ANKRD26: variants seen among roughly 807,000 people sequenced by gnomAD.
ANKRD26 encodes ankyrin repeat domain-containing protein 26.
ANKRD26 carries 141 observed loss-of-function variants against 208.7 expected under a neutral mutation model. The observed-to-expected ratio is 0.68, with a 90% confidence interval of 0.59 to 0.78. The LOEUF is 0.78. Among genes scored for constraint, ANKRD26 ranks in the 30% least tolerant of loss-of-function variants. ANKRD26 has a pLI of 0.00. For synonymous variants in ANKRD26, 636 were observed against 660.4 expected (o/e 0.96, Z 0.57); for missense variants, 1,889 against 1,938.7 (o/e 0.97, Z 0.48).
At chr10:26,981,966 G>A (rs2052315756) in intron 4 of ANKRD26, among the ~76,000 whole-genome samples, 1 of 152,150 alleles carries the variant, frequency 6.6e-6, no homozygotes, top group Non-Finnish European at 1.5e-5. Flanking sequence ...CAGAGCCACT[G>A]GATCTCTTAG....
intron 16 of ANKRD26, among the ~76,000 whole-genome samples, chr10:27,052,643 A>T (rs2054701781): frequency 6.6e-6 from 1 of 152,136 alleles, no homozygotes; most frequent in Non-Finnish European, 1.5e-5. Flanking sequence ...ATTCTTAAAT[A>T]TCCTAAGGTT....
At chr10:27,090,418 TAA>T (rs201251204) in intron 4 of ANKRD26, among the ~76,000 whole-genome samples, 1,856 of 152,054 alleles carry the variant, frequency 0.012, 22 homozygotes, top group South Asian at 0.035. Flanking sequence ...AAAAATAAAA[TAA>T]GAGGTAATTT....
the ANKRD26 span, among the ~76,000 whole-genome samples, chr10:26,948,464 A>C: frequency 3.3e-5 from 5 of 152,210 alleles, no homozygotes; most frequent in Non-Finnish European, 5.9e-5. Flanking sequence ...ATCACTATAC[A>C]CAACATAGAA....
At position 27,014,517 on chromosome 10, in the gene ANKRD26, T is replaced by C. The variant is rs769311255; in HGVS notation, c.4701A>G (p.Lys1567=). ...QLYLEELKVR[K]SLSSKLTKTN... ...ACTTGGTTAGTTTACTTGACAAAGA[T>C]TTTCTAACTTTTAATTCTTCTAGAT... The change falls in exon 31 of 34, where the codon AAA becomes AAG. Residue 1567 remains lysine, a synonymous_variant. Transcript: ENST00000376087. The C allele has an allele frequency of 2.5e-5, 39 of 1,584,376 alleles. No homozygotes were observed. The highest frequency in any genetic ancestry group is 3.4e-5 in the Non-Finnish European group (39 of 1,158,406).
chr10:27,055,401 C>T (rs1177698941), intron 15 of ANKRD26, among the ~76,000 whole-genome samples: 2 of 152,128 alleles, frequency 1.3e-5, no homozygotes, highest in African/African-American at 4.8e-5. Flanking sequence ...GCAGTCACTA[C>T]TCTAGGGGAT....
At chr10:27,050,361 T>C (rs761545919) in intron 16 of ANKRD26, among the ~76,000 whole-genome samples, 13 of 152,094 alleles carry the variant, frequency 8.5e-5, no homozygotes, top group Non-Finnish European at 1.5e-4. Flanking sequence ...TGGCTGAGGA[T>C]TTATGCTACT....
At chr10:26,999,184 T>A (rs75938509), downstream of ANKRD26, among the ~76,000 whole-genome samples, 3,032 of 152,334 alleles carry the variant, frequency 0.02, 154 homozygotes, top group East Asian at 0.16. Flanking sequence ...GGTGCACTAA[T>A]ATGGGCATCT....
downstream of ANKRD26, among the ~76,000 whole-genome samples, chr10:26,989,791 G>A (rs920907917): frequency 6.6e-6 from 1 of 152,124 alleles, no homozygotes; most frequent in African/African-American, 2.4e-5. Flanking sequence ...TGTTGAATGA[G>A]CAGCAGATGA....
intron 28 of ANKRD26, 147 bp from the exon 29 acceptor site, chr10:27,022,834 ACT>A: frequency 5.4e-6 from 4 of 734,672 alleles, no homozygotes; most frequent in Non-Finnish European, 6.3e-6. Flanking sequence ...GTTTGAAAAC[ACT>A]CTAATGAAAT....
At chr10:27,077,250 G>T (rs1589345910) in intron 9 of ANKRD26, 88 bp downstream of exon 9, 1 of 1,158,316 alleles carries the variant, frequency 8.6e-7, no homozygotes, top group Non-Finnish European at 1.3e-6. Flanking sequence ...AACAAAAACT[G>T]TATGATCATC....
At chr10:26,976,999 G>A (rs1486783537) in intron 5 of ANKRD26, among the ~76,000 whole-genome samples, 1 of 152,124 alleles carries the variant, frequency 6.6e-6, no homozygotes, top group Non-Finnish European at 1.5e-5. Context: ...GGAAAGCTCA[G>A]TTCCTTCAGT....
chr10:27,085,257 C>G (rs1348871708), intron 5 of ANKRD26, among the ~76,000 whole-genome samples: 1 of 151,930 alleles, frequency 6.6e-6, no homozygotes, highest in Non-Finnish European at 1.5e-5. Flanking sequence ...TGCGCCACCA[C>G]GCCCAGCTAA....
chr10:26,987,293 TG>T (rs1362879820), downstream of ANKRD26, among the ~76,000 whole-genome samples: 1 of 151,284 alleles, frequency 6.6e-6, no homozygotes, highest in Non-Finnish European at 1.5e-5. Flanking sequence ...GGTGGGGGTA[TG>T]GGGGATGGAT....
chr10:27,039,894 A>G, intron 21 of ANKRD26, 71 bp downstream of exon 21: 1 of 1,418,364 alleles, frequency 7.1e-7, no homozygotes, highest in Non-Finnish European at 9.9e-7. Flanking sequence ...AAGATAAGTC[A>G]GCAATTACAA....
At chr10:27,016,060 C>T (rs1327964291) in intron 30 of ANKRD26, among the ~76,000 whole-genome samples, 3 of 152,114 alleles carry the variant, frequency 2.0e-5, no homozygotes, top group East Asian at 1.9e-4. Flanking sequence ...CATAGCTCAC[C>T]GCAGCCTTGA....
intron 3 of ANKRD26, among the ~76,000 whole-genome samples, chr10:26,985,545 A>G (rs2052372959): frequency 6.6e-6 from 1 of 152,090 alleles, no homozygotes; most frequent in Admixed American, 6.6e-5. Context: ...CATTCCCCAG[A>G]TTGGAGCTGG....
At chr10:27,030,534 G>A (rs1478438278) in intron 25 of ANKRD26, 12 of 985,156 alleles carry the variant, frequency 1.2e-5, no homozygotes, top group Non-Finnish European at 1.4e-5. Flanking sequence ...TATGTCGTAC[G>A]GTGTAGGAGA....
In ANKRD26 at chr10:27,017,714, C is replaced by T. The variant is rs773278655; in HGVS notation, c.4294G>A (p.Glu1432Lys). 4.7e-5 allele frequency: 76 copies of T among 1,612,952 alleles called. No individual in the cohort carries two copies. Among genetic ancestry groups the T allele is most frequent in the Non-Finnish European group, 6.4e-5 (75 of 1,179,778 alleles). The change falls in exon 30 of 34, where the codon GAG (glutamate) becomes AAG (lysine). Residue 1432 changes from glutamate to lysine, a missense_variant. Glu to Lys is a moderately conservative substitution (Grantham distance 56, BLOSUM62 1). Coordinates refer to ENST00000376087, the MANE Select transcript of ANKRD26 (RefSeq NM_014915.3). The part of the protein sequence containing the change: ...HLDTKNQILQ[E>K]ELLSMKTVQK... ...ACTGTTTTCATAGATAACAACTCCT[C>T]TTGAAGAATTTGGTTCTTTGTATCC...
chr10:27,034,841 T>C lies in ANKRD26; in HGVS notation c.3609A>G (p.Leu1203=), dbSNP rs2053990481. ...TTTCATATTGATACTGTCTTTCTTT[T>C]AAGTGATTACATTCACTGATTAACT... ...NKELISECNH[L]KERQYQYENE... is the part of the protein sequence containing the mutation. The change falls in exon 24 of 34, where the codon TTA becomes TTG. Residue 1203 remains leucine (L), a synonymous_variant. Coordinates refer to ENST00000376087, the MANE Select transcript of ANKRD26 (RefSeq NM_014915.3). 1 of 1,611,882 alleles carries C rather than the reference T, an allele frequency of 6.2e-7. No homozygotes were observed.
Sources: gnomAD v4.1 joint callset for allele counts (sites outside exome capture counted in the v4.1 genomes callset) on GRCh38, gnomAD v4.1.1 for gene constraint, MANE v1.5 for transcripts, NCBI Gene and HGNC (gene_info 2026-07-23, HGNC 2026-07-21) for gene names.